The following CNTN5 variants were observed in gnomAD, a reference collection of about 807,000 sequenced individuals.
CNTN5 encodes contactin-5.
CNTN5 carries 77 observed loss-of-function variants against 129.1 expected under a neutral mutation model. The ratio of observed to expected loss-of-function variants is 0.60; its 90% CI spans 0.50 to 0.72. The LOEUF (loss-of-function observed/expected upper bound fraction) is 0.72. Among genes scored for constraint, CNTN5 ranks in the 30% least tolerant of loss-of-function variants. CNTN5 has a pLI of 0.00. For missense variants in CNTN5, 1,478 were observed against 1,328.8 expected (o/e 1.11, Z -1.75); for synonymous variants, 509 against 465.6 (o/e 1.09, Z -1.20).
At chr11:99,424,902 C>T (rs867617182) in intron 2 of CNTN5, among the ~76,000 whole-genome samples, 4 of 152,160 alleles carry the variant, frequency 2.6e-5, no homozygotes, top group Admixed American at 6.5e-5. Context: ...CAGAGAGAAG[C>T]GTCACTGAGA....
At position 100,074,323 on chromosome 11, in the gene CNTN5, A is replaced by G. The variant is rs200426216; in HGVS notation, c.1580+29A>G. ...AGAATCTATTTTATAATTCAAGTTC[A>G]ACATTAGACTTTTTTGAGGTTACAG... is the stretch of plus-strand genomic sequence containing the variant. On this transcript the variant is annotated intron_variant, in intron 13 of 24. Coordinates refer to ENST00000524871, the MANE Select transcript of CNTN5 (RefSeq NM_014361.4). The G allele has an allele frequency of 7.6e-5, 118 of 1,546,584 alleles. 1 individual carries two copies. The African/African-American group carries it at 1.2e-3, about 16-fold the overall frequency.
At position 100,317,086 on chromosome 11, in the gene CNTN5, T is replaced by C. The variant is rs949135829; in HGVS notation, c.2730+8618T>C. On this transcript the variant is annotated intron_variant, in intron 21 of 24. Coordinates refer to ENST00000524871, the MANE Select transcript of CNTN5 (RefSeq NM_014361.4). ...CACTAAAGCCATTTCCACTTATTGATTGCACTGAAAGGACAGCAATTGTGT... is the reference window on the plus strand; with the variant it reads ...CACTAAAGCCATTTCCACTTATTGACTGCACTGAAAGGACAGCAATTGTGT... 4.3e-4 allele frequency among the ~76,000 whole-genome samples: 65 copies of C among 152,342 alleles called. 1 individual carries two copies. Among genetic ancestry groups the C allele is most frequent in the African/African-American group, 1.5e-3 (61 of 41,582 alleles).
At chr11:99,306,425 G>A (rs1864876950) in intron 1 of CNTN5, among the ~76,000 whole-genome samples, 1 of 151,996 alleles carries the variant, frequency 6.6e-6, no homozygotes, top group Admixed American at 6.6e-5. Context: ...GTAAATAAAA[G>A]GTAAATATGA....
At chr11:99,234,201 A>G (rs1011510812) in intron 1 of CNTN5, among the ~76,000 whole-genome samples, 1 of 152,182 alleles carries the variant, frequency 6.6e-6, no homozygotes, top group Non-Finnish European at 1.5e-5. Context: ...AAAATTGCCA[A>G]TATCATGGAA....
chr11:99,835,066 TTA>T (rs1947259730), intron 4 of CNTN5, among the ~76,000 whole-genome samples: 1 of 152,200 alleles, frequency 6.6e-6, no homozygotes, highest in African/African-American at 2.4e-5. Context: ...TTCAAAAAGT[TTA>T]TGTTCCCCTC....
At chr11:99,224,233 T>C (rs1476002125) in intron 1 of CNTN5, among the ~76,000 whole-genome samples, 2 of 152,220 alleles carry the variant, frequency 1.3e-5, no homozygotes, top group African/African-American at 4.8e-5. Flanking sequence ...AACAGAACTA[T>C]ATTTCTATTT....
At chr11:99,752,946 G>A (rs1232676075) in intron 3 of CNTN5, among the ~76,000 whole-genome samples, 3 of 152,074 alleles carry the variant, frequency 2.0e-5, no homozygotes, top group Admixed American at 6.6e-5. Context: ...GTAGTTGTCT[G>A]TCCTGGGGAA....
chr11:99,344,545 T>G (rs1937684118), intron 2 of CNTN5, among the ~76,000 whole-genome samples: 2 of 152,206 alleles, frequency 1.3e-5, no homozygotes, highest in Admixed American at 1.3e-4. Flanking sequence ...ATAAAATTTT[T>G]TAGTTCACCA....
chr11:99,483,854 T>G (rs1404122588), intron 2 of CNTN5, among the ~76,000 whole-genome samples: 1 of 152,146 alleles, frequency 6.6e-6, no homozygotes, highest in Non-Finnish European at 1.5e-5. Context: ...GATATCCATA[T>G]GCAGAAGAAT....
intron 2 of CNTN5, among the ~76,000 whole-genome samples, chr11:99,458,508 G>T (rs1565598287): frequency 1.3e-5 from 2 of 151,972 alleles, no homozygotes; most frequent in East Asian, 3.9e-4. Flanking sequence ...ATTGGGAATT[G>T]GGAAACGGTA....
At chr11:99,758,261 T>C (rs967464530) in intron 3 of CNTN5, among the ~76,000 whole-genome samples, 1 of 152,050 alleles carries the variant, frequency 6.6e-6, no homozygotes, top group African/African-American at 2.4e-5. Flanking sequence ...TTTTTTTATT[T>C]AATTGTTCAA....
intron 21 of CNTN5, among the ~76,000 whole-genome samples, chr11:100,326,760 AG>A (rs1202626353): frequency 3.3e-5 from 5 of 152,186 alleles, no homozygotes; most frequent in Admixed American, 2.0e-4. Context: ...TGTGAGAGAG[AG>A]TGACTAAGGG....
chr11:99,731,605 T>A (rs965853144), intron 3 of CNTN5, among the ~76,000 whole-genome samples: 1 of 152,300 alleles, frequency 6.6e-6, no homozygotes, highest in Non-Finnish European at 1.5e-5. Flanking sequence ...CAGAGTTGAC[T>A]GAAGTTGTTT....
intron 2 of CNTN5, among the ~76,000 whole-genome samples, chr11:99,553,780 A>G (rs1306376680): frequency 1.3e-5 from 2 of 151,986 alleles, no homozygotes; most frequent in Non-Finnish European, 2.9e-5. Context: ...TAATAATCTC[A>G]ATACTAGAAA....
intron 9 of CNTN5, among the ~76,000 whole-genome samples, chr11:100,016,810 G>C (rs1004389976): frequency 1.3e-5 from 2 of 151,662 alleles, no homozygotes; most frequent in African/African-American, 4.8e-5. Context: ...CTACCACCCT[G>C]TTTTTTCTTT....
At chr11:99,061,313 G>A (rs1380927306) in intron 1 of CNTN5, among the ~76,000 whole-genome samples, 1 of 152,106 alleles carries the variant, frequency 6.6e-6, no homozygotes, top group African/African-American at 2.4e-5. Context: ...TTCATGCAAA[G>A]ACTGAGTGTG....
At chr11:99,658,411 T>G (rs1952461799) in intron 3 of CNTN5, among the ~76,000 whole-genome samples, 1 of 152,092 alleles carries the variant, frequency 6.6e-6, no homozygotes. Flanking sequence ...GAATATAAAA[T>G]TAGAACTAAA....
chr11:99,230,020 T>C (rs1162091103), intron 1 of CNTN5, among the ~76,000 whole-genome samples: 2 of 152,126 alleles, frequency 1.3e-5, no homozygotes, highest in East Asian at 1.9e-4. Context: ...AAATAAATGA[T>C]ATGCTTCCAT....
chr11:99,444,808 T>G (rs373345980), intron 2 of CNTN5, among the ~76,000 whole-genome samples: 1 of 151,956 alleles, frequency 6.6e-6, no homozygotes, highest in South Asian at 2.1e-4. Context: ...ATCATTTATA[T>G]GTACACATAG....
Sources: allele counts gnomAD v4.1 joint callset (sites outside exome capture counted in the v4.1 genomes callset), GRCh38; gene constraint gnomAD v4.1.1; transcripts MANE v1.5; gene names NCBI Gene and HGNC (gene_info 2026-07-23, HGNC 2026-07-21).